KCNMB2: variants seen among roughly 807,000 people sequenced by gnomAD.
KCNMB2 encodes calcium-activated potassium channel subunit beta-2.
Under a neutral mutation model 24.5 loss-of-function variants are expected in KCNMB2, and 9 were observed. That is an observed-to-expected ratio of 0.37 (90% CI 0.22 to 0.64). The LOEUF (loss-of-function observed/expected upper bound fraction) is 0.64. Among genes scored for constraint, KCNMB2 ranks in the 30% least tolerant of loss-of-function variants. The pLI is 0.63. For missense variants in KCNMB2, 226 were observed against 284.3 expected, an observed-to-expected ratio of 0.79 and a Z score of 1.47; for synonymous variants, 109 against 104.4, an observed-to-expected ratio of 1.04 and a Z score of -0.27.
intron 1 of KCNMB2, among the ~76,000 whole-genome samples, chr3:178,680,241 GC>G (rs1721220223): frequency 6.6e-6 from 1 of 152,158 alleles, no homozygotes; most frequent in Non-Finnish European, 1.5e-5. Flanking sequence ...GCTGGGGAAT[GC>G]AGAAGGACTG....
chr3:178,555,328 T>C (rs1217272568), intron 1 of KCNMB2, among the ~76,000 whole-genome samples: 1 of 152,236 alleles, frequency 6.6e-6, no homozygotes, highest in African/African-American at 2.4e-5. Context: ...TTTAGTCTAA[T>C]GGAATCACAT....
At chr3:178,563,966 A>G (rs544672605) in intron 1 of KCNMB2, among the ~76,000 whole-genome samples, 47 of 152,218 alleles carry the variant, frequency 3.1e-4, no homozygotes, top group Non-Finnish European at 5.9e-4. Flanking sequence ...CTGAGAAGAC[A>G]TCTGCAAAGT....
chr3:178,563,033 C>T (rs1716380014), intron 1 of KCNMB2, among the ~76,000 whole-genome samples: 1 of 152,176 alleles, frequency 6.6e-6, no homozygotes, highest in Non-Finnish European at 1.5e-5. Flanking sequence ...AATAAAAGGA[C>T]ATTCAAAGGA....
At chr3:178,781,934 T>G (rs1577183385) in intron 1 of KCNMB2, among the ~76,000 whole-genome samples, 1 of 98,560 alleles carries the variant, frequency 1.0e-5, no homozygotes, top group Admixed American at 1.2e-4. Flanking sequence ...GTGCTATCCC[T>G]CCCCCCTCCC....
intron 1 of KCNMB2, chr3:178,558,570 A>G (rs1716203899): frequency 6.6e-6 from 1 of 152,254 alleles, no homozygotes; most frequent in South Asian, 2.1e-4. Flanking sequence ...AGTTCAAAAC[A>G]AACTATAAAG....
chr3:178,732,955 G>A lies in KCNMB2; in HGVS notation c.-67-74388G>A, dbSNP rs1334397820. Among the ~76,000 whole-genome samples, 3 of 152,136 alleles carry A rather than the reference G, an allele frequency of 2.0e-5. No homozygotes were observed. In the East Asian group the frequency reaches 5.8e-4, roughly 29 times the overall value. ...TCACTTTAAAATAATCTGGGATGAG[G>A]AGCAGTGATGGGGGATAAACAGCAA... On this transcript the variant is annotated intron_variant, in intron 1 of 4. Coordinates refer to ENST00000452583, the MANE Select transcript of KCNMB2 (RefSeq NM_181361.3).
Position 178,758,984 on chromosome 3 carries a change from T to A in KCNMB2, c.-67-48359T>A, listed in dbSNP as rs1170111801. ...AGGGATATATATATATATATATATA[T>A]ATATATATATATATCTCCAAGAGGG... On this transcript the variant is annotated intron_variant, in intron 1 of 4. Coordinates refer to ENST00000452583, the MANE Select transcript of KCNMB2 (RefSeq NM_181361.3). Among the ~76,000 whole-genome samples, 12 of 26,160 alleles carry A rather than the reference T, an allele frequency of 4.6e-4. 1 individual carries two copies. The highest frequency in any genetic ancestry group is 2.6e-3 in the African/African-American group (12 of 4,680). 17.2% of individuals were successfully genotyped at this position (26,160 alleles called of 152,430 possible).
intron 1 of KCNMB2, among the ~76,000 whole-genome samples, chr3:178,795,787 CTG>C (rs1713516509): frequency 1.3e-5 from 2 of 152,102 alleles, no homozygotes; most frequent in South Asian, 4.1e-4. Flanking sequence ...CATAAAAACT[CTG>C]TGTGGATTAA....
At chr3:178,664,510 T>A (rs1394010526) in intron 1 of KCNMB2, among the ~76,000 whole-genome samples, 7 of 152,122 alleles carry the variant, frequency 4.6e-5, no homozygotes, top group Admixed American at 1.3e-4. Context: ...GGCTAGAGAA[T>A]ATACTTGTGA....
intron 4 of KCNMB2, among the ~76,000 whole-genome samples, chr3:178,834,098 G>T (rs1473094378): frequency 6.6e-6 from 1 of 151,854 alleles, no homozygotes; most frequent in Non-Finnish European, 1.5e-5. Context: ...AATGTAGTTT[G>T]GTGCAAAAAA....
At chr3:178,752,592 A>G (rs1002328534) in intron 1 of KCNMB2, among the ~76,000 whole-genome samples, 2 of 152,222 alleles carry the variant, frequency 1.3e-5, no homozygotes, top group African/African-American at 4.8e-5. Context: ...AATGTAAATT[A>G]GAGAATGGAA....
intron 1 of KCNMB2, among the ~76,000 whole-genome samples, chr3:178,758,058 ATCT>A (rs1724235855): frequency 1.4e-4 from 7 of 49,010 alleles, no homozygotes; most frequent in African/African-American, 3.7e-4. Context: ...ATATATATAT[ATCT>A]CCAAGAGGAT....
intron 1 of KCNMB2, among the ~76,000 whole-genome samples, chr3:178,682,937 G>A (rs924972605): frequency 6.6e-6 from 1 of 152,142 alleles, no homozygotes; most frequent in East Asian, 1.9e-4. Flanking sequence ...ATGTAAATTT[G>A]TTCAGCCACT....
chr3:178,810,772 T>C (rs1264772775), intron 2 of KCNMB2, among the ~76,000 whole-genome samples: 4 of 152,130 alleles, frequency 2.6e-5, no homozygotes, highest in Non-Finnish European at 5.9e-5. Flanking sequence ...TCTCGCTCTG[T>C]CGCCCAGGCT....
At chr3:178,590,633 T>G (rs981642124) in intron 1 of KCNMB2, among the ~76,000 whole-genome samples, 2 of 152,204 alleles carry the variant, frequency 1.3e-5, no homozygotes, top group Non-Finnish European at 2.9e-5. Flanking sequence ...TCATCAATGC[T>G]ACAAAGTAGG....
chr3:178,543,820 C>T (rs935336307), intron 1 of KCNMB2, among the ~76,000 whole-genome samples: 11 of 152,200 alleles, frequency 7.2e-5, no homozygotes, highest in African/African-American at 2.4e-4. Context: ...GTATGTGTCA[C>T]TGTCATAAAA....
intron 1 of KCNMB2, among the ~76,000 whole-genome samples, chr3:178,655,095 C>G (rs111524892): frequency 1.2e-4 from 13 of 111,136 alleles, no homozygotes; most frequent in African/African-American, 4.2e-4. Flanking sequence ...ATTAGCTCTC[C>G]CTCTCTCTCT....
chr3:178,746,362 G>A (rs565737663), intron 1 of KCNMB2, among the ~76,000 whole-genome samples: 1 of 152,240 alleles, frequency 6.6e-6, no homozygotes, highest in African/African-American at 2.4e-5. Flanking sequence ...GGGACACAGG[G>A]CACCAAGTTC....
chr3:178,632,717 T>TC (rs1719365052), intron 1 of KCNMB2, among the ~76,000 whole-genome samples: 1 of 151,478 alleles, frequency 6.6e-6, no homozygotes, highest in South Asian at 2.1e-4. Context: ...TCTCATGTCC[T>TC]CACATTTCAA....
Sources: allele counts gnomAD v4.1 joint callset (sites outside exome capture counted in the v4.1 genomes callset), GRCh38; gene constraint gnomAD v4.1.1; transcripts MANE v1.5; gene names NCBI Gene and HGNC (gene_info 2026-07-23, HGNC 2026-07-21).